Variants in UST observed in about 807,000 individuals in gnomAD.
UST encodes uronyl 2-sulfotransferase, also known as chondroitin sulfate 2-O-sulfotransferase.
In UST, 21 loss-of-function variants were observed where a neutral mutation model predicts 45.6. The ratio of observed to expected loss-of-function variants is 0.46; its 90% CI spans 0.33 to 0.66. The LOEUF (loss-of-function observed/expected upper bound fraction) is 0.66. UST is among the 30% of genes least tolerant of loss of function. The pLI, the probability that UST is intolerant of heterozygous loss-of-function variation, is 0.02. For synonymous variants in UST, 215 were observed against 200.6 expected (o/e 1.07, Z -0.61); for missense variants, 463 against 512.4 (o/e 0.90, Z 0.93).
intron 3 of UST, among the ~76,000 whole-genome samples, chr6:148,944,635 G>A (rs1780198434): frequency 6.6e-6 from 1 of 152,026 alleles, no homozygotes; most frequent in Admixed American, 6.6e-5. Context: ...CCAAATGTTA[G>A]AATGCCTATA....
chr6:148,964,658 C>A, intron 5 of UST, 95 bp downstream of exon 5: 1 of 1,507,556 alleles, frequency 6.6e-7, no homozygotes, highest in Non-Finnish European at 9.0e-7. Flanking sequence ...CAGGCCTTCT[C>A]CTTGGCGCCT....
At chr6:149,052,233 G>A (rs370923758) in intron 7 of UST, among the ~76,000 whole-genome samples, 25 of 152,214 alleles carry the variant, frequency 1.6e-4, no homozygotes, top group African/African-American at 6.0e-4. Context: ...TTTCATTTGG[G>A]GAGATTAGCA....
At chr6:148,989,683 C>T (rs1238283856) in intron 5 of UST, among the ~76,000 whole-genome samples, 1 of 152,226 alleles carries the variant, frequency 6.6e-6, no homozygotes, top group Non-Finnish European at 1.5e-5. Flanking sequence ...CATTCAGCCT[C>T]CCAAGAAGGG....
chr6:148,751,371 A>G (rs1181824258), intron 1 of UST, among the ~76,000 whole-genome samples: 2 of 152,196 alleles, frequency 1.3e-5, no homozygotes, highest in Admixed American at 6.5e-5. Context: ...TTCCAAGGTT[A>G]GGAGAGGTGT....
At chr6:148,997,654 CTAT>C (rs1781477418) in intron 5 of UST, among the ~76,000 whole-genome samples, 1 of 152,126 alleles carries the variant, frequency 6.6e-6, no homozygotes, top group Non-Finnish European at 1.5e-5. Flanking sequence ...GGGGAACACA[CTAT>C]ACTAATAGTC....
At chr6:148,859,890 A>G (rs146148844) in intron 1 of UST, among the ~76,000 whole-genome samples, 244 of 152,304 alleles carry the variant, frequency 1.6e-3, no homozygotes, top group Non-Finnish European at 2.5e-3. Flanking sequence ...TGTTTTGGTT[A>G]CTGTAGCCTT....
Position 148,886,903 on chromosome 6 carries a change from G to A in UST, c.248-83G>A, listed in dbSNP as rs1778921392. The A allele has an allele frequency of 2.6e-6, 3 of 1,141,906 alleles. No individual in the cohort carries two copies. In the African/African-American group the frequency reaches 4.6e-5, roughly 18 times the overall value. The allele number at this position is 1,141,906 out of a possible 1,614,324, so 70.7% of individuals were successfully genotyped here. On this transcript the variant is annotated intron_variant, in intron 1 of 7. Transcript: ENST00000367463. ...TCTGAGCAGAAATACTGTATAACTAGAATGCTTATCTTCAATAACTTTGCA... is the reference window on the plus strand; with the variant it reads ...TCTGAGCAGAAATACTGTATAACTAAAATGCTTATCTTCAATAACTTTGCA...
intron 2 of UST, among the ~76,000 whole-genome samples, chr6:148,933,435 A>G (rs753990857): frequency 2.1e-4 from 32 of 152,316 alleles, no homozygotes; most frequent in Middle Eastern, 3.4e-3. Context: ...AGCATTACAC[A>G]TGGAATTGTT....
intron 5 of UST, among the ~76,000 whole-genome samples, chr6:149,018,236 C>T (rs1279519778): frequency 6.6e-6 from 1 of 152,120 alleles, no homozygotes; most frequent in Non-Finnish European, 1.5e-5. Flanking sequence ...CACACCTAAA[C>T]ACCTACACCC....
intron 2 of UST, among the ~76,000 whole-genome samples, chr6:148,901,549 G>T (rs1398101255): frequency 1.4e-5 from 2 of 147,434 alleles, no homozygotes; most frequent in Admixed American, 6.8e-5. Flanking sequence ...GAAGTGACCC[G>T]TGTCACTTTT....
intron 5 of UST, among the ~76,000 whole-genome samples, chr6:148,985,660 G>T (rs747430926): frequency 6.6e-6 from 1 of 152,190 alleles, no homozygotes; most frequent in Non-Finnish European, 1.5e-5. Flanking sequence ...TGAAGATAGT[G>T]GTGGGGAAGT....
At chr6:148,996,568 T>A (rs932264538) in intron 5 of UST, among the ~76,000 whole-genome samples, 4 of 152,234 alleles carry the variant, frequency 2.6e-5, no homozygotes, top group African/African-American at 9.6e-5. Context: ...CTACAGACTC[T>A]TTCTCTTGTG....
In UST at chr6:148,931,521, G is replaced by A. The variant is rs146028519; in HGVS notation, c.292-9758G>A. On this transcript the variant is annotated intron_variant, in intron 2 of 7. Coordinates refer to ENST00000367463, the MANE Select transcript of UST (RefSeq NM_005715.3). ...CAAAAGTTAATGTAAAAAGCCAATC[G>A]AATTGATTAATACTAAAAATGGAAC... Among the ~76,000 whole-genome samples, 135 of 152,238 alleles carry A rather than the reference G, an allele frequency of 8.9e-4. No individual in the cohort carries two copies. The Middle Eastern group carries it at 0.014, about 15-fold the overall frequency.
chr6:148,921,067 G>A (rs1582899196), intron 2 of UST, among the ~76,000 whole-genome samples: 1 of 152,296 alleles, frequency 6.6e-6, no homozygotes, highest in East Asian at 1.9e-4. Flanking sequence ...AGTCTCAGAG[G>A]CATTTTCTTG....
At chr6:148,927,855 C>T (rs1306317344) in intron 2 of UST, among the ~76,000 whole-genome samples, 7 of 152,162 alleles carry the variant, frequency 4.6e-5, no homozygotes, top group African/African-American at 1.7e-4. Context: ...TTTTGATGGT[C>T]CAACTTGGAC....
At chr6:148,988,799 C>T (rs943088587) in intron 5 of UST, among the ~76,000 whole-genome samples, 7 of 152,086 alleles carry the variant, frequency 4.6e-5, no homozygotes, top group Non-Finnish European at 8.8e-5. Context: ...TCCAAGTCCA[C>T]CCTTCAAAGT....
At chr6:149,005,956 G>A (rs1408706770) in intron 5 of UST, among the ~76,000 whole-genome samples, 1 of 152,204 alleles carries the variant, frequency 6.6e-6, no homozygotes, top group Non-Finnish European at 1.5e-5. Flanking sequence ...TGGCTGAAGA[G>A]GGTTGCCTCA....
intron 5 of UST, chr6:149,005,248 A>T (rs1402806044): frequency 4.2e-6 from 4 of 956,994 alleles, no homozygotes; most frequent in African/African-American, 3.5e-5. Context: ...CCCTCTGTGT[A>T]TGTTGACGTT....
intron 2 of UST, among the ~76,000 whole-genome samples, chr6:148,916,524 T>G (rs999468918): frequency 6.6e-6 from 1 of 152,170 alleles, no homozygotes; most frequent in Non-Finnish European, 1.5e-5. Flanking sequence ...TGCCGCCCCC[T>G]CTTTAGCGCC....
Sources: allele counts gnomAD v4.1 joint callset (sites outside exome capture counted in the v4.1 genomes callset), GRCh38; gene constraint gnomAD v4.1.1; transcripts MANE v1.5; gene names NCBI Gene and HGNC (gene_info 2026-07-23, HGNC 2026-07-21).